SSBP2: variants seen among roughly 807,000 people sequenced by gnomAD.
The protein encoded by SSBP2 is single stranded DNA binding protein 2.
Under a neutral mutation model 61.8 loss-of-function variants are expected in SSBP2, and 17 were observed. The observed-to-expected ratio is 0.28, with a 90% CI of 0.19 to 0.41. The LOEUF (loss-of-function observed/expected upper bound fraction) is 0.41, where lower values mean the gene tolerates loss of function less well. SSBP2 is among the 10% of genes least tolerant of loss of function. SSBP2 has a pLI of 1.00. For synonymous variants in SSBP2, 139 were observed against 141.3 expected, an observed-to-expected ratio of 0.98 and a Z score of 0.12; for missense variants, 310 against 458.7, an observed-to-expected ratio of 0.68 and a Z score of 2.96.
At chr5:81,486,868 C>T (rs957076839) in intron 6 of SSBP2, among the ~76,000 whole-genome samples, 1 of 152,154 alleles carries the variant, frequency 6.6e-6, no homozygotes, top group Non-Finnish European at 1.5e-5. Context: ...CATGAGATGA[C>T]CCAGCACTGC....
chr5:81,592,931 C>T (rs576774842), intron 4 of SSBP2, among the ~76,000 whole-genome samples: 159 of 152,260 alleles, frequency 1.0e-3, no homozygotes, highest in African/African-American at 3.3e-3. Flanking sequence ...AAAATCAGAG[C>T]GCCTCTCCTC....
chr5:81,475,580 T>G (rs1276824096), intron 6 of SSBP2, among the ~76,000 whole-genome samples: 1 of 152,130 alleles, frequency 6.6e-6, no homozygotes, highest in Non-Finnish European at 1.5e-5. Flanking sequence ...ATGCTCATGT[T>G]CTAACTTCCA....
intron 3 of SSBP2, chr5:81,616,285 C>G (rs1387238907): frequency 6.8e-6 from 1 of 146,784 alleles, no homozygotes; most frequent in Non-Finnish European, 1.5e-5. Context: ...CATTGCCTCA[C>G]CTGGGAAGCG....
chr5:81,538,940 T>C (rs1580959373), intron 4 of SSBP2, among the ~76,000 whole-genome samples: 1 of 152,232 alleles, frequency 6.6e-6, no homozygotes, highest in Non-Finnish European at 1.5e-5. Flanking sequence ...GCAAACACAA[T>C]ATCTATTCTG....
At chr5:81,628,528 G>A (rs533809342) in intron 3 of SSBP2, among the ~76,000 whole-genome samples, 1 of 152,108 alleles carries the variant, frequency 6.6e-6, no homozygotes, top group Non-Finnish European at 1.5e-5. Flanking sequence ...TTTTAAAATT[G>A]CACAAGTAAA....
chr5:81,485,662 G>T (rs1369683576), intron 6 of SSBP2, among the ~76,000 whole-genome samples: 1 of 152,084 alleles, frequency 6.6e-6, no homozygotes, highest in Non-Finnish European at 1.5e-5. Context: ...CACATTAGTG[G>T]ATTTTAAAAT....
chr5:81,488,753 T>C (rs1042469810), intron 6 of SSBP2, among the ~76,000 whole-genome samples: 1 of 140,268 alleles, frequency 7.1e-6, no homozygotes, highest in Admixed American at 7.6e-5. Context: ...CCTTCCTGTG[T>C]CCATGTGTTC....
intron 4 of SSBP2, among the ~76,000 whole-genome samples, chr5:81,575,465 T>TA (rs1206504044): frequency 6.6e-6 from 1 of 152,158 alleles, no homozygotes; most frequent in Non-Finnish European, 1.5e-5. Context: ...TTTTATATCA[T>TA]ATGTTAATAA....
At chr5:81,599,143 G>C (rs1223636786) in intron 4 of SSBP2, among the ~76,000 whole-genome samples, 2 of 152,152 alleles carry the variant, frequency 1.3e-5, no homozygotes, top group South Asian at 2.1e-4. Context: ...AAGTGAAACT[G>C]AGTCTCTGCC....
At chr5:81,649,386 C>G (rs1454211660) in intron 2 of SSBP2, among the ~76,000 whole-genome samples, 1 of 152,008 alleles carries the variant, frequency 6.6e-6, no homozygotes, top group Non-Finnish European at 1.5e-5. Flanking sequence ...AGGTGCCTAT[C>G]AGTGGTGGAT....
intron 4 of SSBP2, among the ~76,000 whole-genome samples, chr5:81,544,113 G>A (rs1248486006): frequency 6.6e-6 from 1 of 152,102 alleles, no homozygotes; most frequent in Admixed American, 6.5e-5. Flanking sequence ...GCAGTGGCGG[G>A]ATCTCGGCTC....
intron 1 of SSBP2, among the ~76,000 whole-genome samples, chr5:81,664,561 C>A (rs949505844): frequency 6.6e-6 from 1 of 152,098 alleles, no homozygotes; most frequent in African/African-American, 2.4e-5. Flanking sequence ...CTATTCAAGG[C>A]ATTCAAGGAA....
intron 5 of SSBP2, 83 bp from the exon 6 acceptor site, chr5:81,489,392 A>C (rs1300449482): frequency 9.5e-6 from 11 of 1,152,546 alleles, no homozygotes; most frequent in Non-Finnish European, 1.3e-5. Flanking sequence ...TACTTAAAAA[A>C]TTTTAGAATT....
rs376040194 is a variant in SSBP2 at position 81,488,197 on chromosome 5, C to G, written c.432+1053G>C. On this transcript the variant is annotated intron_variant, in intron 6 of 16. Coordinates refer to ENST00000320672, the MANE Select transcript of SSBP2 (RefSeq NM_012446.5). ...TAATGAACATGGGAATGCAGATATT[C>G]CTTCAAGATACTGATTTCATTTCCT... Among the ~76,000 whole-genome samples the G allele has an allele frequency of 8.0e-5, 12 of 150,882 alleles. No homozygotes were observed. The South Asian group carries it at 1.3e-3, about 16-fold the overall frequency.
Position 81,461,103 on chromosome 5 carries a change from C to T in SSBP2, c.639G>A (p.Met213Ile). The change falls in exon 10 of 17, where the codon ATG becomes ATA. Residue 213 changes from methionine to isoleucine, a missense_variant and splice_region_variant. Met to Ile is a conservative substitution (Grantham distance 10). Coordinates refer to ENST00000320672, the MANE Select transcript of SSBP2 (RefSeq NM_012446.5). ...GCCAAGGTCTACCACCACCTGGACC[C>T]CTACAAAACAATTTGATAAATGAAA... is the stretch of plus-strand genomic sequence containing the variant. The T allele has an allele frequency of 6.3e-7, 1 of 1,584,994 alleles. No homozygotes were observed. The highest frequency in any genetic ancestry group is 8.6e-7 in the Non-Finnish European group (1 of 1,166,258).
Position 81,473,780 on chromosome 5 carries a change from G to A in SSBP2, c.500-10C>T. Reference sequence around the variant, plus strand: ...CCCATATTTGGATGTCCTAAAAAAAGTATGAAGACATTAGCAAAGTAATGA... The same window carrying A: ...CCCATATTTGGATGTCCTAAAAAAAATATGAAGACATTAGCAAAGTAATGA... On this transcript the variant is annotated splice_polypyrimidine_tract_variant and intron_variant, in intron 7 of 16. Transcript: ENST00000320672. The A allele has an allele frequency of 1.9e-6, 3 of 1,613,394 alleles. No individual in the cohort carries two copies. Among genetic ancestry groups the A allele is most frequent in the Non-Finnish European group, 1.7e-6 (2 of 1,179,444 alleles).
intron 4 of SSBP2, among the ~76,000 whole-genome samples, chr5:81,518,260 T>C (rs1339425254): frequency 2.6e-5 from 4 of 152,064 alleles, no homozygotes; most frequent in Non-Finnish European, 5.9e-5. Flanking sequence ...AGCAGGGGAT[T>C]ATAGATTTTC....
At chr5:81,439,098 G>T (rs1762848953) in intron 14 of SSBP2, among the ~76,000 whole-genome samples, 1 of 152,112 alleles carries the variant, frequency 6.6e-6, no homozygotes, top group Non-Finnish European at 1.5e-5. Context: ...AAATAATTTG[G>T]TTATTGAAAG....
chr5:81,657,398 T>C (rs997737831), intron 1 of SSBP2, among the ~76,000 whole-genome samples: 3 of 152,234 alleles, frequency 2.0e-5, no homozygotes, highest in Non-Finnish European at 4.4e-5. Context: ...TGTTTAATGA[T>C]ATTAAGAAAT....
Sources: gnomAD v4.1 joint callset for allele counts (sites outside exome capture counted in the v4.1 genomes callset) on GRCh38, gnomAD v4.1.1 for gene constraint, MANE v1.5 for transcripts, NCBI Gene and HGNC (gene_info 2026-07-23, HGNC 2026-07-21) for gene names.